ZNRF3: variants seen among roughly 807,000 people sequenced by gnomAD.
ZNRF3 encodes zinc and ring finger 3, also known as E3 ubiquitin-protein ligase ZNRF3.
Under a neutral mutation model 72.5 loss-of-function variants are expected in ZNRF3, and 23 were observed. That is an observed-to-expected ratio of 0.32 (90% CI 0.23 to 0.45). The LOEUF (loss-of-function observed/expected upper bound fraction) is 0.45, where lower values mean the gene tolerates loss of function less well. Ranked by LOEUF, ZNRF3 falls within the 20% of genes least tolerant of loss-of-function variation. The probability of loss-of-function intolerance (pLI) is 1.00; values close to 1 mark genes in which losing one functional copy is unlikely to be tolerated. For missense variants in ZNRF3, 1,169 were observed against 1,272.1 expected, an observed-to-expected ratio of 0.92 and a Z score of 1.23; for synonymous variants, 610 against 545.3, an observed-to-expected ratio of 1.12 and a Z score of -1.65.
chr22:28,921,551 C>G (rs1381891099), intron 1 of ZNRF3, among the ~76,000 whole-genome samples: 1 of 152,194 alleles, frequency 6.6e-6, no homozygotes, highest in East Asian at 1.9e-4. Context: ...AATGCAGCAC[C>G]CAGTTGCCTC....
Position 29,048,321 on chromosome 22 carries a change from C to A in ZNRF3, c.913-68C>A. ...GCTGTGCAGAACTCCTTGGTCTATG[C>A]TGGACTCTGCAGGAGGACACACCTG... On this transcript the variant is annotated intron_variant, in intron 6 of 8. Transcript: ENST00000544604. The surrounding 1 kb of genome is among the most constrained non-coding windows in gnomAD (Gnocchi z 4.9). 1.5e-6 allele frequency: 2 copies of A among 1,366,120 alleles called. No individual in the cohort carries two copies. The highest frequency in any genetic ancestry group is 2.1e-6 in the Non-Finnish European group (2 of 963,090). 84.6% of individuals were successfully genotyped at this position (1,366,120 alleles called of 1,614,324 possible). A position where few individuals can be genotyped will look rare whatever the true frequency, so the allele number is the denominator to read the frequency against.
intron 2 of ZNRF3, among the ~76,000 whole-genome samples, chr22:29,000,672 G>A (rs1413256693): frequency 1.3e-5 from 2 of 152,178 alleles, no homozygotes; most frequent in African/African-American, 4.8e-5. Context: ...AAAGAAAGAG[G>A]TTGAATTGAC....
chr22:29,026,903 A>G (rs2036646548), intron 2 of ZNRF3: 1 of 152,228 alleles, frequency 6.6e-6, no homozygotes, highest in South Asian at 2.1e-4. Context: ...TATTGCCTCG[A>G]AGACACATTT....
rs756388076 is a variant in ZNRF3 at position 29,046,737 on chromosome 22, G to A, written c.766G>A (p.Val256Met). The change falls in exon 6 of 9, where the codon GTG (valine) becomes ATG (methionine). Residue 256 changes from valine (V) to methionine (M), a missense_variant. Around this residue, in one of 2 missense-constraint regions of ZNRF3, gnomAD observed 386 missense variants for 540.7 expected, o/e 0.71. Transcript: ENST00000544604. The stretch of plus-strand genomic sequence containing the variant: ...GCAGAATTCCATGAACAGGCTGGCT[G>A]TGCAGGCTCTAGAGAAGATGGAAAC... ...RSQNSMNRLA[V>M]QALEKMETRK... 4 of 1,608,566 alleles carry A rather than the reference G, an allele frequency of 2.5e-6. No individual in the cohort carries two copies. In the South Asian group the frequency reaches 3.4e-5, roughly 13 times the overall value.
chr22:28,892,141 T>C (rs900731832), intron 1 of ZNRF3, among the ~76,000 whole-genome samples: 1 of 152,234 alleles, frequency 6.6e-6, no homozygotes, highest in Non-Finnish European at 1.5e-5. Context: ...TTGAATCCTC[T>C]TGGTTGTTAA....
chr22:29,039,542 A>C (rs2036921261), intron 2 of ZNRF3, among the ~76,000 whole-genome samples: 2 of 152,082 alleles, frequency 1.3e-5, no homozygotes, highest in Admixed American at 1.3e-4. Context: ...GGAATTTATG[A>C]AAAAGCCTAG....
chr22:28,920,571 A>C (rs1325047850), intron 1 of ZNRF3, among the ~76,000 whole-genome samples: 1 of 152,234 alleles, frequency 6.6e-6, no homozygotes, highest in Non-Finnish European at 1.5e-5. Flanking sequence ...GCACCTGGCC[A>C]GCAGACTCTT....
At chr22:28,897,651 T>A (rs899667363) in intron 1 of ZNRF3, among the ~76,000 whole-genome samples, 2 of 152,196 alleles carry the variant, frequency 1.3e-5, no homozygotes, top group Non-Finnish European at 2.9e-5. Context: ...CCTGCTGTAA[T>A]ACGTGTCTTC....
chr22:28,979,175 G>T (rs1314284652), intron 1 of ZNRF3, among the ~76,000 whole-genome samples: 1 of 152,186 alleles, frequency 6.6e-6, no homozygotes, highest in East Asian at 1.9e-4. Flanking sequence ...TCAACAGGCT[G>T]GTTGCAAAGC....
intron 1 of ZNRF3, among the ~76,000 whole-genome samples, chr22:28,886,291 C>A (rs2033784694): frequency 6.6e-6 from 1 of 152,176 alleles, no homozygotes; most frequent in Non-Finnish European, 1.5e-5. Context: ...GTAAGGAAGG[C>A]TGATGATGTT....
chr22:29,037,651 A>G (rs1351756911), intron 2 of ZNRF3, among the ~76,000 whole-genome samples: 2 of 152,182 alleles, frequency 1.3e-5, no homozygotes, highest in African/African-American at 4.8e-5. Flanking sequence ...CTCTTTTGCT[A>G]CTTGTCTCAA....
At position 29,039,784 on chromosome 22, in the gene ZNRF3, CAAAAAAAAA is replaced by C. The variant is rs397976678; in HGVS notation, c.427-2694_427-2686del. ...CAACATAGTGAGACCTCGTCTCTACCAAAAAAAAAAAAAAAAAAAAAAAAATTAGCCTGG... is the reference window on the plus strand; with the variant it reads ...CAACATAGTGAGACCTCGTCTCTACCAAAAAAAAAAAAAAAATTAGCCTGG... On this transcript the variant is annotated intron_variant, in intron 2 of 8. Transcript: ENST00000544604. Among the ~76,000 whole-genome samples, 606 of 85,326 alleles carry C rather than the reference CAAAAAAAAA, an allele frequency of 7.1e-3. 1 individual carries two copies. The highest frequency in any genetic ancestry group is 9.9e-3 in the African/African-American group (211 of 21,306). The allele number at this position is 85,326 out of a possible 152,430, so 56.0% of individuals were successfully genotyped here.
chr22:28,939,829 TC>T (rs1289902047), intron 1 of ZNRF3, among the ~76,000 whole-genome samples: 3 of 152,206 alleles, frequency 2.0e-5, no homozygotes, highest in African/African-American at 7.2e-5. Context: ...AGAGTTTTTT[TC>T]ACCTCTTCCA....
rs1381276000 is a variant in ZNRF3 at position 28,940,430 on chromosome 22, A to G, written c.301-46646A>G. Among the ~76,000 whole-genome samples, 118 of 149,584 alleles carry G rather than the reference A, an allele frequency of 7.9e-4. 1 individual carries two copies. Among genetic ancestry groups the G allele is most frequent in the Non-Finnish European group, 1.0e-4 (7 of 67,696 alleles). The stretch of plus-strand genomic sequence containing the variant: ...AACTTGTTAGAGTATGTGAAAATCT[A>G]CTCTCCTAGATTTGAAGAGCAGGAT... On this transcript the variant is annotated intron_variant, in intron 1 of 8. Transcript: ENST00000544604.
intron 1 of ZNRF3, among the ~76,000 whole-genome samples, chr22:28,933,778 T>TCCC (rs1401397230): frequency 9.3e-6 from 1 of 107,356 alleles, no homozygotes; most frequent in South Asian, 4.0e-4. Flanking sequence ...TCTCTCTCTC[T>TCCC]CCCCTCCCTC....
At chr22:28,999,559 A>G (rs1407346999) in intron 2 of ZNRF3, among the ~76,000 whole-genome samples, 2 of 152,224 alleles carry the variant, frequency 1.3e-5, no homozygotes, top group Non-Finnish European at 2.9e-5. Context: ...TCAGTTGGCC[A>G]GAATCTCTCA....
intron 1 of ZNRF3, among the ~76,000 whole-genome samples, chr22:28,926,482 CT>C (rs781139211): frequency 0.012 from 1,638 of 136,588 alleles, 21 homozygotes; most frequent in African/African-American, 0.032. Context: ...CCCTGCCTGG[CT>C]TTTTTTTTTT....
intron 1 of ZNRF3, among the ~76,000 whole-genome samples, chr22:28,927,408 CAAAA>C (rs910540057): frequency 1.6e-4 from 24 of 151,766 alleles, no homozygotes; most frequent in African/African-American, 5.6e-4. Context: ...AACAAACAAA[CAAAA>C]AAAACCTGCT....
At chr22:28,981,769 G>A (rs768502024) in intron 1 of ZNRF3, among the ~76,000 whole-genome samples, 1 of 152,122 alleles carries the variant, frequency 6.6e-6, no homozygotes, top group Non-Finnish European at 1.5e-5. Flanking sequence ...GTCCAAGGCG[G>A]GTGGATCACC....
Sources: gnomAD v4.1 joint callset for allele counts (sites outside exome capture counted in the v4.1 genomes callset) on GRCh38, gnomAD v4.1.1 for gene constraint, gnomAD v4.1.1 regional missense constraint, Gnocchi (gnomAD v3.1) non-coding constraint, MANE v1.5 for transcripts, NCBI Gene and HGNC (gene_info 2026-07-23, HGNC 2026-07-21) for gene names.